The following TFAM variants were observed in gnomAD, a reference collection of about 807,000 sequenced individuals.
TFAM encodes mitochondrial transcription factor 1.
TFAM carries 13 observed loss-of-function variants against 30.6 expected under a neutral mutation model. The observed-to-expected ratio is 0.42, with a 90% CI of 0.28 to 0.67. The LOEUF is 0.67. Among genes scored for constraint, TFAM ranks in the 30% least tolerant of loss-of-function variants. TFAM has a pLI of 0.21. For synonymous variants in TFAM, 106 were observed against 94.8 expected (o/e 1.12, Z -0.69); for missense variants, 231 against 293.7 (o/e 0.79, Z 1.56).
chr10:58,394,341 CAT>C lies in TFAM; in HGVS notation c.538-12_538-11del. 1.2e-6 allele frequency: 2 copies of C among 1,600,796 alleles called. No homozygotes were observed. The highest frequency in any genetic ancestry group is 8.6e-7 in the Non-Finnish European group (1 of 1,168,430). On this transcript the variant is annotated splice_polypyrimidine_tract_variant and intron_variant, in intron 5 of 6. Transcript: ENST00000487519. The stretch of plus-strand genomic sequence containing the variant: ...GTCCCCATATCTACCTTAACTTAAA[CAT>C]ATATTGTTTTACAGGAAAAGCTGAA...
chr10:58,388,383 C>G, intron 3 of TFAM, 123 bp downstream of exon 3: 1 of 865,768 alleles, frequency 1.2e-6, no homozygotes. Context: ...TACAAAGAAA[C>G]TTTATGTCTT....
rs1840663873 is a variant in TFAM, at chr10:58,395,380, T to C, written c.*306T>C. ...ATGAAGTTTTTTTTATACAGGATGATGACTATGGAAAGAGTACTCTTGTTT... is the reference window on the plus strand; with the variant it reads ...ATGAAGTTTTTTTTATACAGGATGACGACTATGGAAAGAGTACTCTTGTTT... On this transcript the variant is annotated 3_prime_UTR_variant, in exon 7 of 7. Transcript: ENST00000487519. 2.7e-6 allele frequency: 1 copy of C among 370,054 alleles called. No homozygotes were observed. Among genetic ancestry groups the C allele is most frequent in the Non-Finnish European group, 5.0e-6 (1 of 199,942 alleles). 22.9% of individuals were successfully genotyped at this position (370,054 alleles called of 1,614,324 possible).
intron 1 of TFAM, among the ~76,000 whole-genome samples, chr10:58,385,972 GAGCTGGAGTAT>G (rs1840480423): frequency 6.6e-6 from 1 of 152,202 alleles, no homozygotes; most frequent in Admixed American, 6.5e-5. Context: ...CGGGGCCCAG[GAGCTGGAGTAT>G]AGACGCTTTC....
rs1840675595 is a variant in TFAM, at chr10:58,396,032, T to C, written c.*958T>C. 1 of 167,252 alleles carries C rather than the reference T, an allele frequency of 6.0e-6. No individual in the cohort carries two copies. Among genetic ancestry groups the C allele is most frequent in the South Asian group, 2.0e-4 (1 of 4,990 alleles). The allele number at this position is 167,252 out of a possible 1,614,324, so 10.4% of individuals were successfully genotyped here. ...TGCCTGCTTTTTATGGCCTGTGAGC[T>C]AGGAATTGTGTTTATAATTTTAAAT... On this transcript the variant is annotated 3_prime_UTR_variant, in exon 7 of 7. Transcript: ENST00000487519.
rs1482009930 is a variant in TFAM at position 58,385,456 on chromosome 10, G to T, written c.-92G>T. On this transcript the variant is annotated 5_prime_UTR_variant, in exon 1 of 7. Coordinates refer to ENST00000487519, the MANE Select transcript of TFAM (RefSeq NM_003201.3). ...GCATGATAACACACGCCGGAGGGTC[G>T]CACGCGGGTTCCAGTTGTGATTGCT... 2 of 953,260 alleles carry T rather than the reference G, an allele frequency of 2.1e-6. No homozygotes were observed. The highest frequency in any genetic ancestry group is 3.3e-6 in the Non-Finnish European group (2 of 607,890). 59.1% of individuals were successfully genotyped at this position (953,260 alleles called of 1,614,324 possible).
At chr10:58,393,636 C>G (rs1325784831) in intron 5 of TFAM, among the ~76,000 whole-genome samples, 2 of 152,090 alleles carry the variant, frequency 1.3e-5, no homozygotes, top group East Asian at 3.9e-4. Flanking sequence ...GCCTGTAATC[C>G]TAACAATTTG....
chr10:58,392,726 G>A (rs1418166462), intron 5 of TFAM, among the ~76,000 whole-genome samples: 5 of 151,336 alleles, frequency 3.3e-5, no homozygotes, highest in Non-Finnish European at 7.4e-5. Flanking sequence ...ACAGGCTGGA[G>A]TGCGGTGGCA....
chr10:58,390,383 G>T (rs893899850), intron 4 of TFAM, among the ~76,000 whole-genome samples: 2 of 152,180 alleles, frequency 1.3e-5, no homozygotes, highest in African/African-American at 2.4e-5. Context: ...ATAGTCCATT[G>T]TTCTTGGGTT....
chr10:58,385,740 T>C, intron 1 of TFAM, 92 bp downstream of exon 1: 1 of 1,018,554 alleles, frequency 9.8e-7, no homozygotes, highest in Non-Finnish European at 1.5e-6. Context: ...CTGCCCCTCC[T>C]AGGAGTTCAG....
chr10:58,386,214 A>G lies in TFAM; in HGVS notation c.102-6A>G. 3.2e-6 allele frequency: 5 copies of G among 1,573,396 alleles called. No individual in the cohort carries two copies. In the South Asian group the frequency reaches 3.3e-5, roughly 10 times the overall value. ...CACTGGTTATTTTCTTTTTGTTTAT[A>G]TGTAGTTTTGTGTATTTACCGAGGT... On this transcript the variant is annotated splice_region_variant and splice_polypyrimidine_tract_variant and intron_variant, in intron 1 of 6. Coordinates refer to ENST00000487519, the MANE Select transcript of TFAM (RefSeq NM_003201.3).
chr10:58,390,818 T>C lies in TFAM; in HGVS notation c.495T>C (p.Tyr165=). ...GACCTCGTTCAGCTTATAACGTTTA[T>C]GTAGCTGAAAGATTCCAAGAAGCTA... is the stretch of plus-strand genomic sequence containing the variant. The part of the protein sequence containing the change: ...PKRPRSAYNV[Y]VAERFQEAKG... Residue 165 remains tyrosine (Y), a synonymous_variant, in exon 5 of 7, where the codon TAT becomes TAC. Coordinates refer to ENST00000487519, the MANE Select transcript of TFAM (RefSeq NM_003201.3). 1.2e-6 allele frequency: 2 copies of C among 1,613,386 alleles called. No homozygotes were observed. The highest frequency in any genetic ancestry group is 1.7e-6 in the Non-Finnish European group (2 of 1,179,762).
In TFAM at chr10:58,398,513, G is replaced by A. The variant is rs1433336852; in HGVS notation, c.*3439G>A. ...TGTAATTCTGTAATTACGCTATTGC[G>A]TTTGGCTAACTCCTTTTTGGAAATG... On this transcript the variant is annotated 3_prime_UTR_variant, in exon 7 of 7. Coordinates refer to ENST00000487519, the MANE Select transcript of TFAM (RefSeq NM_003201.3). 1 of 151,956 alleles carries A rather than the reference G, an allele frequency of 6.6e-6. No homozygotes were observed. Among genetic ancestry groups the A allele is most frequent in the African/African-American group, 2.4e-5 (1 of 41,398 alleles). 9.4% of individuals were successfully genotyped at this position (151,956 alleles called of 1,614,324 possible).
intron 2 of TFAM, chr10:58,386,557 A>G: frequency 1.3e-6 from 1 of 784,048 alleles, no homozygotes; most frequent in East Asian, 3.5e-5. Flanking sequence ...TATAGTGTAG[A>G]AAGCACCCTA....
Position 58,388,078 on chromosome 10 carries a change from A to G in TFAM, c.221-112A>G. 3.8e-6 allele frequency: 3 copies of G among 794,974 alleles called. No homozygotes were observed. In the South Asian group the frequency reaches 4.6e-5, roughly 12 times the overall value. 49.2% of individuals were successfully genotyped at this position (794,974 alleles called of 1,614,324 possible). On this transcript the variant is annotated intron_variant, in intron 2 of 6. Coordinates refer to ENST00000487519, the MANE Select transcript of TFAM (RefSeq NM_003201.3). ...AATTAGTTGGATAAAGGAAAGTTAAATCATTATATTAAGTTATGTGTGGTA... is the reference window on the plus strand; with the variant it reads ...AATTAGTTGGATAAAGGAAAGTTAAGTCATTATATTAAGTTATGTGTGGTA...
chr10:58,390,014 A>G (rs762516641), intron 4 of TFAM, among the ~76,000 whole-genome samples: 4 of 152,214 alleles, frequency 2.6e-5, no homozygotes, highest in Non-Finnish European at 5.9e-5. Context: ...CTTGGAGTCT[A>G]TAGTAGTTTC....
At chr10:58,393,254 C>T (rs1326900166) in intron 5 of TFAM, among the ~76,000 whole-genome samples, 4 of 152,234 alleles carry the variant, frequency 2.6e-5, no homozygotes, top group African/African-American at 9.6e-5. Flanking sequence ...ACTGGGATTA[C>T]AGGCGTGAGC....
At chr10:58,394,519 A>C in intron 6 of TFAM, 105 bp downstream of exon 6, 1 of 968,450 alleles carries the variant, frequency 1.0e-6, no homozygotes, top group Non-Finnish European at 1.7e-6. Context: ...TATTACTAAT[A>C]ATACAAGTAT....
At chr10:58,389,630 T>C (rs1413367166) in intron 4 of TFAM, among the ~76,000 whole-genome samples, 1 of 152,192 alleles carries the variant, frequency 6.6e-6, no homozygotes, top group Non-Finnish European at 1.5e-5. Context: ...GCCGCTACTT[T>C]AGGGTGGCTG....
rs1840684822 is a variant in TFAM at position 58,396,518 on chromosome 10, A to G, written c.*1444A>G. On this transcript the variant is annotated 3_prime_UTR_variant, in exon 7 of 7. Coordinates refer to ENST00000487519, the MANE Select transcript of TFAM (RefSeq NM_003201.3). Reference sequence around the variant, plus strand: ...TGATATTCTTTTAAAATTATTTGCTATGGCTTGGTAAAAATGTACTTTTTC... The same window carrying G: ...TGATATTCTTTTAAAATTATTTGCTGTGGCTTGGTAAAAATGTACTTTTTC... 1 of 152,236 alleles carries G rather than the reference A, an allele frequency of 6.6e-6. No homozygotes were observed. Among genetic ancestry groups the G allele is most frequent in the African/African-American group, 2.4e-5 (1 of 41,470 alleles). 9.4% of individuals were successfully genotyped at this position (152,236 alleles called of 1,614,324 possible). A position where few individuals can be genotyped will look rare whatever the true frequency, so the allele number is the denominator to read the frequency against.
Sources: gnomAD v4.1 joint callset for allele counts (sites outside exome capture counted in the v4.1 genomes callset) on GRCh38, gnomAD v4.1.1 for gene constraint, MANE v1.5 for transcripts, NCBI Gene and HGNC (gene_info 2026-07-23, HGNC 2026-07-21) for gene names.